Variants in ANKRD44 observed in about 807,000 individuals in gnomAD.
ANKRD44 encodes serine/threonine-protein phosphatase 6 regulatory ankyrin repeat subunit B.
In ANKRD44, 35 loss-of-function variants were observed where a neutral mutation model predicts 116.0. The observed-to-expected ratio is 0.30, with a 90% CI of 0.23 to 0.40. The LOEUF is 0.40. Ranked by LOEUF, ANKRD44 falls within the 10% of genes least tolerant of loss-of-function variation. The pLI is 1.00. For missense variants in ANKRD44, 1,014 were observed against 1,242.6 expected (o/e 0.82, Z 2.77); for synonymous variants, 435 against 461.8 (o/e 0.94, Z 0.74).
At chr2:197,130,495 T>C (rs1238365041) in intron 4 of ANKRD44, among the ~76,000 whole-genome samples, 1 of 152,218 alleles carries the variant, frequency 6.6e-6, no homozygotes. Flanking sequence ...GGCAAATTTC[T>C]GGGCCTAACC....
At chr2:197,128,584 G>T (rs2079029944) in intron 4 of ANKRD44, among the ~76,000 whole-genome samples, 1 of 152,112 alleles carries the variant, frequency 6.6e-6, no homozygotes, top group Non-Finnish European at 1.5e-5. Context: ...CCATTCTGTA[G>T]GTTGCCTGTT....
At chr2:197,097,747 T>A (rs952214280) in intron 10 of ANKRD44, among the ~76,000 whole-genome samples, 2 of 152,214 alleles carry the variant, frequency 1.3e-5, no homozygotes, top group African/African-American at 4.8e-5. Flanking sequence ...TGGACTGCTA[T>A]CAGAGCGAAC....
At chr2:197,273,980 A>ATAAAT (rs1339525916) in intron 1 of ANKRD44, among the ~76,000 whole-genome samples, 1 of 43,930 alleles carries the variant, frequency 2.3e-5, no homozygotes, top group Admixed American at 3.2e-4. Flanking sequence ...AAAAAAAAAA[A>ATAAAT]ATATATATAT....
intron 16 of ANKRD44, among the ~76,000 whole-genome samples, chr2:197,033,803 G>C (rs1457798585): frequency 6.6e-6 from 1 of 151,998 alleles, no homozygotes; most frequent in African/African-American, 2.4e-5. Flanking sequence ...ATGTTGACTG[G>C]AATCTAGCTG....
intron 27 of ANKRD44, among the ~76,000 whole-genome samples, chr2:196,991,326 G>C (rs1434920299): frequency 6.6e-6 from 1 of 152,104 alleles, no homozygotes; most frequent in Non-Finnish European, 1.5e-5. Context: ...ATGAGCCTCA[G>C]GCCTGGGCCT....
intron 1 of ANKRD44, among the ~76,000 whole-genome samples, chr2:197,238,766 A>G (rs916579874): frequency 6.6e-6 from 1 of 151,604 alleles, no homozygotes; most frequent in Non-Finnish European, 1.5e-5. Context: ...GTGCAGTGGT[A>G]CGATCTCAGC....
intron 1 of ANKRD44, among the ~76,000 whole-genome samples, chr2:197,229,381 CATTTTGAT>C (rs1287176088): frequency 6.6e-6 from 1 of 152,116 alleles, no homozygotes; most frequent in African/African-American, 2.4e-5. Flanking sequence ...ATGCTGTTAA[CATTTTGAT>C]ATACTTTCAT....
At position 197,253,001 on chromosome 2, in the gene ANKRD44, A is replaced by T. The variant is rs2082356667; in HGVS notation, c.27+57577T>A. ...ACAGATCACGTGGCATCCACTATCAATACTCATAAGTCTAATTTATCCTCA... is the reference window on the plus strand; with the variant it reads ...ACAGATCACGTGGCATCCACTATCATTACTCATAAGTCTAATTTATCCTCA... On this transcript the variant is annotated intron_variant, in intron 1 of 27. Transcript: ENST00000282272. Among the ~76,000 whole-genome samples the T allele has an allele frequency of 2.0e-5, 3 of 152,214 alleles. No individual in the cohort carries two copies. The South Asian group carries it at 6.2e-4, about 31-fold the overall frequency.
chr2:197,116,645 C>G (rs1187494195), intron 8 of ANKRD44, among the ~76,000 whole-genome samples: 1 of 152,212 alleles, frequency 6.6e-6, no homozygotes, highest in Non-Finnish European at 1.5e-5. Context: ...TCCTCCTGTT[C>G]CTAAGAGTAA....
At chr2:197,167,742 G>C (rs1456346396) in intron 2 of ANKRD44, among the ~76,000 whole-genome samples, 1 of 152,170 alleles carries the variant, frequency 6.6e-6, no homozygotes, top group Non-Finnish European at 1.5e-5. Flanking sequence ...CTGGGCATGT[G>C]GAAGAAACTG....
At chr2:197,155,576 T>G (rs1653522406) in intron 2 of ANKRD44, among the ~76,000 whole-genome samples, 1 of 152,202 alleles carries the variant, frequency 6.6e-6, no homozygotes, top group Non-Finnish European at 1.5e-5. Flanking sequence ...CAAAGAAAAC[T>G]CTGGTGAAAG....
chr2:197,078,862 GA>G, intron 15 of ANKRD44, 48 bp from the exon 16 acceptor site: 1 of 1,571,326 alleles, frequency 6.4e-7, no homozygotes, highest in East Asian at 2.3e-5. Context: ...TCTCTGGACT[GA>G]AAAAGATAAT....
At chr2:197,074,084 A>G (rs2077615547) in intron 16 of ANKRD44, among the ~76,000 whole-genome samples, 1 of 152,184 alleles carries the variant, frequency 6.6e-6, no homozygotes, top group African/African-American at 2.4e-5. Context: ...ACTTATATTC[A>G]CATCTGAGAG....
At chr2:197,287,692 G>C (rs1053490998) in intron 1 of ANKRD44, among the ~76,000 whole-genome samples, 1 of 152,034 alleles carries the variant, frequency 6.6e-6, no homozygotes, top group Non-Finnish European at 1.5e-5. Flanking sequence ...AGGAGATCTG[G>C]GGACTTCTTA....
intron 17 of ANKRD44, among the ~76,000 whole-genome samples, chr2:197,017,884 T>A (rs973170336): frequency 6.6e-6 from 1 of 152,176 alleles, no homozygotes; most frequent in African/African-American, 2.4e-5. Flanking sequence ...TGTTGAAAAA[T>A]AGCCCTTCCC....
At chr2:196,989,764 G>A in intron 27 of ANKRD44, 115 bp from the exon 28 acceptor site, 1 of 1,497,610 alleles carries the variant, frequency 6.7e-7, no homozygotes, top group South Asian at 1.3e-5. Context: ...CACTTTTTTT[G>A]TTCCTTTTTG....
Position 197,110,890 on chromosome 2 carries a change from C to T in ANKRD44, c.907-46G>A, listed in dbSNP as rs1002651985. 4 of 1,341,556 alleles carry T rather than the reference C, an allele frequency of 3.0e-6. No homozygotes were observed. In the African/African-American group the frequency reaches 5.8e-5, roughly 19 times the overall value. The allele number at this position is 1,341,556 out of a possible 1,614,324, so 83.1% of individuals were successfully genotyped here. ...GAAAAACAATGGAGGTGCTCATGAGCCAGTGACACCCATCTGAAATACCCC... is the reference window on the plus strand; with the variant it reads ...GAAAAACAATGGAGGTGCTCATGAGTCAGTGACACCCATCTGAAATACCCC... On this transcript the variant is annotated intron_variant, in intron 8 of 27. Coordinates refer to ENST00000282272, the MANE Select transcript of ANKRD44 (RefSeq NM_001195144.2).
intron 16 of ANKRD44, 189 bp downstream of exon 16, chr2:197,078,514 C>T: frequency 7.1e-7 from 1 of 1,417,808 alleles, no homozygotes; most frequent in East Asian, 3.0e-5. Flanking sequence ...GGGCTCTAAC[C>T]TGCAATGGAA....
chr2:197,061,150 T>C (rs1319327246), intron 16 of ANKRD44, among the ~76,000 whole-genome samples: 1 of 152,248 alleles, frequency 6.6e-6, no homozygotes, highest in Admixed American at 6.5e-5. Context: ...TTTGACAGAT[T>C]AGACAAGCTA....
Sources: allele counts gnomAD v4.1 joint callset (sites outside exome capture counted in the v4.1 genomes callset), GRCh38; gene constraint gnomAD v4.1.1; transcripts MANE v1.5; gene names NCBI Gene and HGNC (gene_info 2026-07-23, HGNC 2026-07-21).